GRAMD2A: variants seen among roughly 807,000 people sequenced by gnomAD.
GRAMD2A encodes the protein GRAM domain containing 2A.
In GRAMD2A, 37 loss-of-function variants were observed where a neutral mutation model predicts 51.1. The ratio of observed to expected loss-of-function variants is 0.72; its 90% CI spans 0.56 to 0.95. The LOEUF is 0.95. Ranked by LOEUF, GRAMD2A falls within the 40% of genes least tolerant of loss-of-function variation. The probability of loss-of-function intolerance (pLI) is 0.00; values close to 1 mark genes in which losing one functional copy is unlikely to be tolerated. For missense variants in GRAMD2A, 414 were observed against 426.9 expected (o/e 0.97, Z 0.27); for synonymous variants, 136 against 157.1 (o/e 0.87, Z 1.01).
chr15:72,186,249 A>G (rs2081733265), intron 1 of GRAMD2A, among the ~76,000 whole-genome samples: 1 of 152,066 alleles, frequency 6.6e-6, no homozygotes, highest in Non-Finnish European at 1.5e-5. Flanking sequence ...AAGACTAAAG[A>G]CTGAGTTAAC....
intron 7 of GRAMD2A, among the ~76,000 whole-genome samples, 180 bp from the exon 8 acceptor site, chr15:72,165,590 A>T (rs2081534276): frequency 1.3e-5 from 2 of 152,044 alleles, no homozygotes; most frequent in Admixed American, 6.6e-5. Context: ...AGAGAGGCAA[A>T]CCCCAGGAAA....
intron 1 of GRAMD2A, among the ~76,000 whole-genome samples, chr15:72,185,193 T>C (rs887275077): frequency 8.1e-5 from 12 of 148,172 alleles, no homozygotes; most frequent in Non-Finnish European, 1.2e-4. Flanking sequence ...GTTCCAGTTT[T>C]TTTTTTTTTT....
intron 11 of GRAMD2A, 74 bp from the exon 12 acceptor site, chr15:72,162,086 A>G: frequency 1.9e-6 from 3 of 1,578,626 alleles, no homozygotes; most frequent in South Asian, 2.2e-5. Context: ...AGGGCCAGTG[A>G]TAACTTTACT....
intron 10 of GRAMD2A, chr15:72,162,995 T>C: frequency 2.5e-6 from 1 of 400,082 alleles, no homozygotes; most frequent in Non-Finnish European, 4.5e-6. Context: ...TCCCAAATCC[T>C]TTTCCTCTTC....
At chr15:72,162,949 T>G (rs1244587533) in intron 10 of GRAMD2A, 5 of 304,788 alleles carry the variant, frequency 1.6e-5, no homozygotes, top group Non-Finnish European at 2.4e-5. Context: ...AGGCCAAGCT[T>G]TTCCTCTCTC....
In GRAMD2A at chr15:72,170,571, G is replaced by C. The variant is rs2081600591; in HGVS notation, c.42-632C>G. Among the ~76,000 whole-genome samples, 1 of 152,178 alleles carries C rather than the reference G, an allele frequency of 6.6e-6. No individual in the cohort carries two copies. Among genetic ancestry groups the C allele is most frequent in the Non-Finnish European group, 1.5e-5 (1 of 68,030 alleles). ...GCCAAACCATCTCAAAAATGTCCCT[G>C]AGGGAGAGCGTAGGAGGGAACAGAT... On this transcript the variant is annotated intron_variant, in intron 1 of 11. Coordinates refer to ENST00000309731, the MANE Select transcript of GRAMD2A (RefSeq NM_001012642.3). The surrounding 1 kb of genome is among the most constrained non-coding windows in gnomAD (Gnocchi z 4.5).
At position 72,166,658 on chromosome 15, in the gene GRAMD2A, G is replaced by A; in HGVS notation, c.517C>T (p.Leu173=). Residue 173 remains leucine (L), a synonymous_variant, in exon 7 of 12, where the codon CTG becomes TTG. Transcript: ENST00000309731. This position sits in a 1 kb window ranked among gnomAD's most constrained non-coding sequence, Gnocchi z 4.1. ...LLSRDSVYDL[L]RRVCTHLQPS... is the part of the protein sequence containing the mutation. ...TGTAGGTGGGTGCAGACTCTCCTCA[G>A]CAGGTCATATACACTGTCCCGGGAG... 1 of 1,613,832 alleles carries A rather than the reference G, an allele frequency of 6.2e-7. No individual in the cohort carries two copies. The highest frequency in any genetic ancestry group is 8.5e-7 in the Non-Finnish European group (1 of 1,179,902).
In GRAMD2A at chr15:72,197,786, C is replaced by T; in HGVS notation, c.-15G>A. The T allele has an allele frequency of 8.0e-7, 1 of 1,253,628 alleles. No homozygotes were observed. The highest frequency in any genetic ancestry group is 1.0e-6 in the Non-Finnish European group (1 of 994,512). The allele number at this position is 1,253,628 out of a possible 1,614,324, so 77.7% of individuals were successfully genotyped here. ...AAAGCGGTCATCCCGGCGCCTGCAC[C>T]CAGCGCCCCGACCGCGCGCCGGGAC... On this transcript the variant is annotated 5_prime_UTR_variant, in exon 1 of 12. Transcript: ENST00000309731.
rs2081586800 is a variant in GRAMD2A, at chr15:72,169,548, G to A, written c.134+299C>T. The A allele has an allele frequency of 5.1e-6, 3 of 584,942 alleles. No individual in the cohort carries two copies. In the African/African-American group the frequency reaches 5.5e-5, roughly 11 times the overall value. The allele number at this position is 584,942 out of a possible 1,614,324, so 36.2% of individuals were successfully genotyped here. A position where few individuals can be genotyped will look rare whatever the true frequency, so the allele number is the denominator to read the frequency against. The stretch of plus-strand genomic sequence containing the variant: ...TGACCTGGCTGAGGCTACCACACTG[G>A]GAGAGGGGGATGGCACTGAGAAAAA... On this transcript the variant is annotated intron_variant, in intron 2 of 11. Coordinates refer to ENST00000309731, the MANE Select transcript of GRAMD2A (RefSeq NM_001012642.3).
chr15:72,186,403 C>A (rs2081734423), intron 1 of GRAMD2A, among the ~76,000 whole-genome samples: 1 of 151,838 alleles, frequency 6.6e-6, no homozygotes, highest in Admixed American at 6.6e-5. Context: ...CGGCTCACTG[C>A]AACCTCCACC....
At chr15:72,196,527 A>G (rs2081806476) in intron 1 of GRAMD2A, among the ~76,000 whole-genome samples, 1 of 151,732 alleles carries the variant, frequency 6.6e-6, no homozygotes, top group East Asian at 1.9e-4. Context: ...AAAAAAAAAA[A>G]GAAAAAAGAA....
At chr15:72,180,722 G>A (rs2081690782) in intron 1 of GRAMD2A, among the ~76,000 whole-genome samples, 1 of 152,240 alleles carries the variant, frequency 6.6e-6, no homozygotes, top group Admixed American at 6.5e-5. Flanking sequence ...AGGAAGACAG[G>A]AATGCAGGCC....
At chr15:72,176,716 G>A (rs776162862) in intron 1 of GRAMD2A, among the ~76,000 whole-genome samples, 6 of 152,128 alleles carry the variant, frequency 3.9e-5, no homozygotes, top group Non-Finnish European at 8.8e-5. Context: ...CCCAGTGGCT[G>A]CTCCAGATCC....
In GRAMD2A at chr15:72,167,033, A is replaced by C; in HGVS notation, c.432T>G (p.Leu144=). The C allele has an allele frequency of 1.2e-6, 2 of 1,614,010 alleles. No homozygotes were observed. ...TGGTGGTGATGGCCAGTCCATTGGG[A>C]AGGAGCCGTGCCATCTTGTGTTTTT... ...MIKKHKMARL[L]PNGLAITTNT... is the part of the protein sequence containing the mutation. The change falls in exon 6 of 12, where the codon CTT becomes CTG. Residue 144 remains leucine (L), a synonymous_variant. Transcript: ENST00000309731.
At chr15:72,163,189 C>A in intron 10 of GRAMD2A, 77 bp downstream of exon 10, 1 of 985,090 alleles carries the variant, frequency 1.0e-6, no homozygotes, top group Non-Finnish European at 1.6e-6. Flanking sequence ...TAGTGAATTC[C>A]CCACACTCCA....
At chr15:72,162,247 G>T in intron 11 of GRAMD2A, 26 bp downstream of exon 11, 1 of 1,532,856 alleles carries the variant, frequency 6.5e-7, no homozygotes, top group Non-Finnish European at 9.0e-7. Flanking sequence ...CAATATCAAA[G>T]GCATTAGAAA....
intron 3 of GRAMD2A, 103 bp from the exon 4 acceptor site, chr15:72,168,669 G>C (rs564576854): frequency 1.0e-6 from 1 of 997,062 alleles, no homozygotes; most frequent in East Asian, 2.4e-5. Context: ...GGCCCATGCT[G>C]GGGACTTAGC....
Position 72,163,636 on chromosome 15 carries a change from G to A in GRAMD2A, c.722C>T (p.Pro241Leu). The change falls in exon 9 of 12, where the codon CCC becomes CTC. Residue 241 changes from proline (P) to leucine (L), a missense_variant. By Grantham distance (98) the Pro-to-Leu change is moderately conservative. Coordinates refer to ENST00000309731, the MANE Select transcript of GRAMD2A (RefSeq NM_001012642.3). ...SSVDSTDSFF[P>L]SRKPPMSEKS... ...ACCAGACATTGGAGGCTTCCTGGAG[G>A]GGAAGAAACTGTCTGTGGAGTCCAC... 1.9e-6 allele frequency: 3 copies of A among 1,599,010 alleles called. No individual in the cohort carries two copies. Among genetic ancestry groups the A allele is most frequent in the Non-Finnish European group, 2.6e-6 (3 of 1,175,360 alleles).
In GRAMD2A at chr15:72,197,738, C is replaced by T. The variant is rs2140565801; in HGVS notation, c.34G>A (p.Glu12Lys). Residue 12 changes from glutamate (E) to lysine (K), a missense_variant, in exon 1 of 12, where the codon GAG becomes AAG. By Grantham distance (56) the Glu-to-Lys change is moderately conservative. Transcript: ENST00000309731. ...CGGGCCGCAACCCCTTACCCGCCCT[C>T]CTCGGTGGCCTCGCTCCGGCTTAAA... ...TALSRSEATE[E>K]GGNQQMHRKT... 3 of 1,339,452 alleles carry T rather than the reference C, an allele frequency of 2.2e-6. No homozygotes were observed. The highest frequency in any genetic ancestry group is 2.9e-6 in the Non-Finnish European group (3 of 1,037,976). 83.0% of individuals were successfully genotyped at this position (1,339,452 alleles called of 1,614,324 possible).
Sources: allele counts gnomAD v4.1 joint callset (sites outside exome capture counted in the v4.1 genomes callset), GRCh38; gene constraint gnomAD v4.1.1; non-coding constraint Gnocchi (gnomAD v3.1); transcripts MANE v1.5; gene names NCBI Gene and HGNC (gene_info 2026-07-23, HGNC 2026-07-21).